RNF17: variants seen among roughly 807,000 people sequenced by gnomAD.
RNF17 encodes the protein ring finger protein 17, also known as spermatogenesis associated 23.
RNF17 carries 31 observed loss-of-function variants against 200.5 expected under a neutral mutation model. That is an observed-to-expected ratio of 0.15 (90% CI 0.12 to 0.21). RNF17 has a LOEUF of 0.21. Ranked by LOEUF, RNF17 falls within the 10% of genes least tolerant of loss-of-function variation. The pLI, the probability that RNF17 is intolerant of heterozygous loss-of-function variation, is 1.00. For synonymous variants in RNF17, 606 were observed against 637.8 expected, an observed-to-expected ratio of 0.95 and a Z score of 0.75; for missense variants, 1,628 against 1,905.1, an observed-to-expected ratio of 0.85 and a Z score of 2.71.
chr13:24,771,044 A>C (rs1197187325), intron 2 of RNF17, among the ~76,000 whole-genome samples: 1 of 152,178 alleles, frequency 6.6e-6, no homozygotes. Flanking sequence ...GCAACTTTTC[A>C]TATGTTTGAC....
chr13:24,751,662 G>A, the RNF17 span: 2 of 152,174 alleles, frequency 1.3e-5, no homozygotes, highest in Non-Finnish European at 2.9e-5. Flanking sequence ...ACACACAGTT[G>A]TTTGAAAATG....
At chr13:24,763,359 C>T (rs974844128), upstream of RNF17, among the ~76,000 whole-genome samples, 2 of 146,394 alleles carry the variant, frequency 1.4e-5, no homozygotes, top group Non-Finnish European at 3.0e-5. Context: ...CCCACCGCCA[C>T]GTCCGGCTAA....
chr13:24,818,322 G>A (rs891935020), intron 15 of RNF17, among the ~76,000 whole-genome samples: 1 of 151,952 alleles, frequency 6.6e-6, no homozygotes, highest in Non-Finnish European at 1.5e-5. Flanking sequence ...TGTTCTAAGT[G>A]GCCTTGTAGG....
At chr13:24,791,945 A>C (rs1883911961) in intron 9 of RNF17, among the ~76,000 whole-genome samples, 1 of 152,198 alleles carries the variant, frequency 6.6e-6, no homozygotes, top group Admixed American at 6.5e-5. Flanking sequence ...GAATTAGGCT[A>C]AGATAGCTGA....
intron 16 of RNF17, among the ~76,000 whole-genome samples, chr13:24,826,632 G>A (rs1888668712): frequency 6.6e-6 from 1 of 152,038 alleles, no homozygotes; most frequent in Non-Finnish European, 1.5e-5. Context: ...AGTTAGCAAG[G>A]CATGGTGGTG....
At chr13:24,874,053 T>C in intron 32 of RNF17, 61 bp from the exon 33 acceptor site, 2 of 1,568,556 alleles carry the variant, frequency 1.3e-6, no homozygotes. Flanking sequence ...GCTGATTTCC[T>C]TTGGATTAAA....
downstream of RNF17, chr13:24,882,530 G>C (rs1342902760): frequency 6.6e-6 from 1 of 152,636 alleles, no homozygotes; most frequent in Non-Finnish European, 1.5e-5. Flanking sequence ...GGTTAACACT[G>C]GCTAGTCATC....
At chr13:24,785,863 G>A (rs1418881296) in intron 6 of RNF17, among the ~76,000 whole-genome samples, 1 of 152,016 alleles carries the variant, frequency 6.6e-6, no homozygotes, top group African/African-American at 2.4e-5. Context: ...TAAATTATCG[G>A]CATGTATTAT....
At chr13:24,822,726 A>G (rs1328447302) in intron 15 of RNF17, among the ~76,000 whole-genome samples, 1 of 152,062 alleles carries the variant, frequency 6.6e-6, no homozygotes, top group African/African-American at 2.4e-5. Context: ...AGTCTCAGTA[A>G]TTTCTTTTTA....
chr13:24,853,422 G>A (rs1180741864), intron 24 of RNF17, among the ~76,000 whole-genome samples: 4 of 151,872 alleles, frequency 2.6e-5, no homozygotes, highest in African/African-American at 9.7e-5. Flanking sequence ...TATGAATATG[G>A]TATATTCATA....
At chr13:24,878,039 A>G (rs1895041577) in intron 34 of RNF17, among the ~76,000 whole-genome samples, 1 of 152,254 alleles carries the variant, frequency 6.6e-6, no homozygotes, top group Admixed American at 6.5e-5. Context: ...GTCAGCTGAA[A>G]GTGTAGCCAC....
At chr13:24,876,427 T>G (rs559790211) in intron 33 of RNF17, among the ~76,000 whole-genome samples, 1 of 152,356 alleles carries the variant, frequency 6.6e-6, no homozygotes, top group Admixed American at 6.5e-5. Context: ...CTTCTTTCAA[T>G]TATTTTGGGT....
intron 6 of RNF17, among the ~76,000 whole-genome samples, chr13:24,782,565 T>C (rs1367797967): frequency 1.3e-5 from 2 of 151,112 alleles, no homozygotes; most frequent in Non-Finnish European, 2.9e-5. Context: ...TAGGATTACA[T>C]GGTGATCATC....
chr13:24,852,732 T>C (rs1422810969), intron 24 of RNF17, among the ~76,000 whole-genome samples: 2 of 152,044 alleles, frequency 1.3e-5, no homozygotes, highest in Non-Finnish European at 2.9e-5. Flanking sequence ...ATAGAAGAAA[T>C]GTTAGAATGG....
At chr13:24,840,173 C>T (rs1026999688) in intron 18 of RNF17, among the ~76,000 whole-genome samples, 7 of 152,046 alleles carry the variant, frequency 4.6e-5, no homozygotes, top group African/African-American at 1.4e-4. Context: ...AACTACAATG[C>T]GATGCCACCT....
intron 35 of RNF17, 25 bp downstream of exon 35, chr13:24,879,320 A>C: frequency 7.1e-7 from 1 of 1,408,468 alleles, no homozygotes; most frequent in African/African-American, 1.4e-5. Context: ...TCTTCATAGC[A>C]TAAGGCATGG....
intron 15 of RNF17, among the ~76,000 whole-genome samples, chr13:24,808,432 T>G (rs907985997): frequency 7.2e-6 from 1 of 138,912 alleles, no homozygotes. Flanking sequence ...CACTCATGAT[T>G]TGGCTCTCTG....
At chr13:24,863,795 A>G (rs1893345009) in intron 28 of RNF17, among the ~76,000 whole-genome samples, 1 of 152,206 alleles carries the variant, frequency 6.6e-6, no homozygotes, top group African/African-American at 2.4e-5. Flanking sequence ...AGCTTGTGGT[A>G]TAGCAAAGGC....
At chr13:24,757,624 G>A in the RNF17 span, among the ~76,000 whole-genome samples, 1 of 152,092 alleles carries the variant, frequency 6.6e-6, no homozygotes, top group East Asian at 1.9e-4. Flanking sequence ...GTGCCTGGCC[G>A]ACAATATTCT....
Sources: allele counts gnomAD v4.1 joint callset (sites outside exome capture counted in the v4.1 genomes callset), GRCh38; gene constraint gnomAD v4.1.1; transcripts MANE v1.5; gene names NCBI Gene and HGNC (gene_info 2026-07-23, HGNC 2026-07-21).